Variants in OSBPL3 observed in about 807,000 individuals in gnomAD.
OSBPL3 encodes the protein oxysterol binding protein like 3.
OSBPL3 carries 65 observed loss-of-function variants against 120.1 expected under a neutral mutation model. That is an observed-to-expected ratio of 0.54 (90% CI 0.44 to 0.67). OSBPL3 has a LOEUF of 0.67. Ranked by LOEUF, OSBPL3 falls within the 30% of genes least tolerant of loss-of-function variation. The pLI, the probability that OSBPL3 is intolerant of heterozygous loss-of-function variation, is 0.00. For missense variants in OSBPL3, 1,004 were observed against 1,082.1 expected (o/e 0.93, Z 1.01); for synonymous variants, 416 against 402.6 (o/e 1.03, Z -0.40).
chr7:24,814,689 C>A (rs1794254533), intron 19 of OSBPL3, among the ~76,000 whole-genome samples: 1 of 152,176 alleles, frequency 6.6e-6, no homozygotes, highest in African/African-American at 2.4e-5. Flanking sequence ...TGCTTTCTTT[C>A]TCTGTGAACT....
chr7:24,905,616 G>T (rs763331170), intron 1 of OSBPL3, among the ~76,000 whole-genome samples: 1 of 152,186 alleles, frequency 6.6e-6, no homozygotes, highest in Non-Finnish European at 1.5e-5. Flanking sequence ...AATAAGCTCC[G>T]TAGGACATTC....
rs769762980 is a variant in OSBPL3 at position 24,815,024 on chromosome 7, T to C, written c.2172+35A>G. 9.9e-6 allele frequency: 16 copies of C among 1,608,906 alleles called. No homozygotes were observed. The highest frequency in any genetic ancestry group is 1.4e-5 in the Non-Finnish European group (16 of 1,175,572). ...GGGGCCCTGGCTCTGCCACAGCCCTTCCAGGGTCAGAGCTCAGAGAGTCAC... is the reference window on the plus strand; with the variant it reads ...GGGGCCCTGGCTCTGCCACAGCCCTCCCAGGGTCAGAGCTCAGAGAGTCAC... On this transcript the variant is annotated intron_variant, in intron 19 of 22. Coordinates refer to ENST00000313367, the MANE Select transcript of OSBPL3 (RefSeq NM_015550.4). This position sits in a 1 kb window ranked among gnomAD's most constrained non-coding sequence, Gnocchi z 5.1.
chr7:24,800,470 T>A (rs1792178334), intron 22 of OSBPL3, among the ~76,000 whole-genome samples, 191 bp from the exon 23 acceptor site: 1 of 149,584 alleles, frequency 6.7e-6, no homozygotes, highest in South Asian at 2.2e-4. Context: ...TTTTTTTTTT[T>A]TTTTGAGATG....
In OSBPL3 at chr7:24,808,745, C is replaced by A. The variant is rs772364899; in HGVS notation, c.2317+1062G>T. On this transcript the variant is annotated intron_variant, in intron 20 of 22. Coordinates refer to ENST00000313367, the MANE Select transcript of OSBPL3 (RefSeq NM_015550.4). The surrounding 1 kb of genome is among the most constrained non-coding windows in gnomAD (Gnocchi z 4.6). ...CTTACTGGGGATTAATCCAAGACAT[C>A]TAAATCTCTCTTGCCTACTCTGTTG... is the stretch of plus-strand genomic sequence containing the variant. Among the ~76,000 whole-genome samples, 1 of 152,218 alleles carries A rather than the reference C, an allele frequency of 6.6e-6. No homozygotes were observed. The highest frequency in any genetic ancestry group is 1.5e-5 in the Non-Finnish European group (1 of 68,028).
intron 1 of OSBPL3, among the ~76,000 whole-genome samples, chr7:24,957,152 T>A (rs2252255): frequency 0.15 from 22,080 of 151,268 alleles, 1,957 homozygotes; most frequent in South Asian, 0.36. Context: ...AATTTAATAC[T>A]CTAAAAGAAG....
intron 1 of OSBPL3, among the ~76,000 whole-genome samples, chr7:24,961,368 CAAG>C (rs549535261): frequency 6.6e-6 from 1 of 152,124 alleles, no homozygotes; most frequent in Non-Finnish European, 1.5e-5. Context: ...TTGAAATTAA[CAAG>C]AAGAAGCATC....
intron 1 of OSBPL3, among the ~76,000 whole-genome samples, chr7:24,901,665 T>C (rs144783340): frequency 1.3e-5 from 2 of 152,358 alleles, no homozygotes; most frequent in East Asian, 3.9e-4. Flanking sequence ...ATCTATTATG[T>C]TGAAATCTCT....
rs371127031 is a variant in OSBPL3, at chr7:24,872,448, A to AGTGTGTGTGTGTGTGTGT, written c.97-397_97-380dup. Among the ~76,000 whole-genome samples, 11 of 144,890 alleles carry AGTGTGTGTGTGTGTGTGT rather than the reference A, an allele frequency of 7.6e-5. No individual in the cohort carries two copies. Among genetic ancestry groups the AGTGTGTGTGTGTGTGTGT allele is most frequent in the African/African-American group, 2.8e-4 (11 of 38,708 alleles). On this transcript the variant is annotated intron_variant, in intron 2 of 22. Transcript: ENST00000313367. This position sits in a 1 kb window ranked among gnomAD's most constrained non-coding sequence, Gnocchi z 4.1. ...TCAGTCTGAATTTTAACCGAAAGAGAGTGTGTGTGTGTGTGTGTGTGTGTG... is the reference window on the plus strand; with the variant it reads ...TCAGTCTGAATTTTAACCGAAAGAGAGTGTGTGTGTGTGTGTGTGTGTGTGTGTGTGTGTGTGTGTGTG...
chr7:24,931,204 A>T (rs777052657), intron 1 of OSBPL3, among the ~76,000 whole-genome samples: 2 of 152,230 alleles, frequency 1.3e-5, no homozygotes, highest in Non-Finnish European at 2.9e-5. Flanking sequence ...AGCAGACTGA[A>T]AAGTGTTATT....
Position 24,896,644 on chromosome 7 carries a change from G to A in OSBPL3, c.-149-4023C>T, listed in dbSNP as rs1806175441. ...ACATCACATACTATATATGTGTGCT[G>A]GAAGGAGTCAGACCTAGGTTTGAAT... On this transcript the variant is annotated intron_variant, in intron 1 of 22. Transcript: ENST00000313367. This position sits in a 1 kb window ranked among gnomAD's most constrained non-coding sequence, Gnocchi z 4.4. Among the ~76,000 whole-genome samples the A allele has an allele frequency of 6.6e-6, 1 of 152,198 alleles. No individual in the cohort carries two copies. Among genetic ancestry groups the A allele is most frequent in the African/African-American group, 2.4e-5 (1 of 41,446 alleles).
chr7:24,885,435 A>G (rs1383172016), intron 2 of OSBPL3, among the ~76,000 whole-genome samples: 1 of 152,068 alleles, frequency 6.6e-6, no homozygotes, highest in Non-Finnish European at 1.5e-5. Context: ...AATACCCTGC[A>G]TAAATAAGCT....
Position 24,968,215 on chromosome 7 carries a change from A to G in OSBPL3, c.-150+11671T>C, listed in dbSNP as rs1274400684. ...AGTGAGTACAATTAAATGTTTATCA[A>G]CCAGCTCTCTGGAAAAACAAAAACA... On this transcript the variant is annotated intron_variant, in intron 1 of 22. Coordinates refer to ENST00000313367, the MANE Select transcript of OSBPL3 (RefSeq NM_015550.4). This position sits in a 1 kb window ranked among gnomAD's most constrained non-coding sequence, Gnocchi z 4.6. Among the ~76,000 whole-genome samples the G allele has an allele frequency of 6.6e-6, 1 of 152,202 alleles. No individual in the cohort carries two copies. The highest frequency in any genetic ancestry group is 2.4e-5 in the African/African-American group (1 of 41,440).
intron 1 of OSBPL3, among the ~76,000 whole-genome samples, chr7:24,920,870 G>C (rs1221315090): frequency 6.6e-6 from 1 of 152,094 alleles, no homozygotes; most frequent in Non-Finnish European, 1.5e-5. Flanking sequence ...TCTACACATG[G>C]AAACACCTGT....
intron 1 of OSBPL3, among the ~76,000 whole-genome samples, chr7:24,927,802 T>C (rs759775729): frequency 1.3e-5 from 2 of 152,190 alleles, no homozygotes; most frequent in Non-Finnish European, 2.9e-5. Flanking sequence ...GTTCCACACC[T>C]TAGCTTCTCA....
intron 1 of OSBPL3, among the ~76,000 whole-genome samples, chr7:24,974,374 C>G (rs1584773471): frequency 6.6e-6 from 1 of 152,214 alleles, no homozygotes; most frequent in East Asian, 1.9e-4. Context: ...GGTAAACCAT[C>G]AACTATGAGG....
intron 1 of OSBPL3, among the ~76,000 whole-genome samples, chr7:24,917,043 C>T (rs1044210075): frequency 2.6e-5 from 4 of 152,036 alleles, no homozygotes; most frequent in African/African-American, 9.7e-5. Flanking sequence ...GTAGAGGGGG[C>T]TGCACCCATA....
At position 24,894,568 on chromosome 7, in the gene OSBPL3, G is replaced by C. The variant is rs766030858; in HGVS notation, c.-149-1947C>G. On this transcript the variant is annotated intron_variant, in intron 1 of 22. Transcript: ENST00000313367. This position sits in a 1 kb window ranked among gnomAD's most constrained non-coding sequence, Gnocchi z 4.1. ...TGATGAAATGTGTGTCTGTGCTTGG[G>C]GCGGGGAGGGGGCATCCACTGCTAT... 2.6e-5 allele frequency among the ~76,000 whole-genome samples: 4 copies of C among 152,218 alleles called. No homozygotes were observed. Among genetic ancestry groups the C allele is most frequent in the Non-Finnish European group, 5.9e-5 (4 of 68,034 alleles).
chr7:24,875,771 A>G (rs1313227627), intron 2 of OSBPL3, among the ~76,000 whole-genome samples: 1 of 150,540 alleles, frequency 6.6e-6, no homozygotes, highest in African/African-American at 2.4e-5. Flanking sequence ...ACATATTTAC[A>G]TATATAAATT....
At position 24,865,276 on chromosome 7, in the gene OSBPL3, G is replaced by C. The variant is rs568406999; in HGVS notation, c.673+66C>G. 25 of 1,531,930 alleles carry C rather than the reference G, an allele frequency of 1.6e-5. No homozygotes were observed. In the African/African-American group the frequency reaches 2.7e-4, roughly 17 times the overall value. 94.9% of individuals were successfully genotyped at this position (1,531,930 alleles called of 1,614,324 possible). ...GGGGAAGGACACAAATGAATCTGAAGTGTAAACATCAAACCAGTATCATCT... is the reference window on the plus strand; with the variant it reads ...GGGGAAGGACACAAATGAATCTGAACTGTAAACATCAAACCAGTATCATCT... On this transcript the variant is annotated intron_variant, in intron 7 of 22. Coordinates refer to ENST00000313367, the MANE Select transcript of OSBPL3 (RefSeq NM_015550.4).
Sources: gnomAD v4.1 joint callset for allele counts (sites outside exome capture counted in the v4.1 genomes callset) on GRCh38, gnomAD v4.1.1 for gene constraint, Gnocchi (gnomAD v3.1) non-coding constraint, MANE v1.5 for transcripts, NCBI Gene and HGNC (gene_info 2026-07-23, HGNC 2026-07-21) for gene names.